Variants in ALDH1A1 observed in about 807,000 individuals in gnomAD.
ALDH1A1 encodes the protein aldehyde dehydrogenase 1 family member A1.
ALDH1A1 carries 19 observed loss-of-function variants against 62.1 expected under a neutral mutation model. That is an observed-to-expected ratio of 0.31 (90% CI 0.21 to 0.45). ALDH1A1 has a LOEUF of 0.45. ALDH1A1 is among the 20% of genes least tolerant of loss of function. The probability of loss-of-function intolerance (pLI) is 1.00; values close to 1 mark genes in which losing one functional copy is unlikely to be tolerated. For missense variants in ALDH1A1, 521 were observed against 607.1 expected (o/e 0.86, Z 1.49); for synonymous variants, 231 against 215.9 (o/e 1.07, Z -0.61).
At chr9:72,933,780 T>C (rs1830314361) in intron 2 of ALDH1A1, among the ~76,000 whole-genome samples, 1 of 152,118 alleles carries the variant, frequency 6.6e-6, no homozygotes, top group South Asian at 2.1e-4. Context: ...TAAATTTTAA[T>C]ATAACTCTCA....
chr9:72,949,926 A>C (rs999566805), intron 1 of ALDH1A1, among the ~76,000 whole-genome samples: 11 of 151,822 alleles, frequency 7.2e-5, no homozygotes, highest in African/African-American at 2.7e-4. Context: ...CTGTAGGAGA[A>C]AATTTTTGAT....
At position 72,909,155 on chromosome 9, in the gene ALDH1A1, C is replaced by T. The variant is rs888157221; in HGVS notation, c.1358+447G>A. ...CCTCCCTAAAGTTCTTCCAATACAG[C>T]TTTTTTTTTTTTTTTTTTTTTTTGA... On this transcript the variant is annotated intron_variant, in intron 11 of 12. Coordinates refer to ENST00000297785, the MANE Select transcript of ALDH1A1 (RefSeq NM_000689.5). 2.4e-3 allele frequency among the ~76,000 whole-genome samples: 185 copies of T among 75,568 alleles called. 1 individual carries two copies. Among genetic ancestry groups the T allele is most frequent in the African/African-American group, 9.3e-3 (165 of 17,764 alleles). The allele number at this position is 75,568 out of a possible 152,430, so 49.6% of individuals were successfully genotyped here.
At chr9:72,925,202 T>C (rs1422609112) in intron 6 of ALDH1A1, among the ~76,000 whole-genome samples, 1 of 152,230 alleles carries the variant, frequency 6.6e-6, no homozygotes, top group Non-Finnish European at 1.5e-5. Flanking sequence ...AATTTCAACA[T>C]GAATTTATGT....
rs1286150069 is a variant in ALDH1A1, at chr9:72,916,867, G to A, written c.1035+53C>T. ...ACTCAATAAAATCTAGGTCTAAAGA[G>A]GATACTTTATTCCTGTGCCCTGAAA... On this transcript the variant is annotated intron_variant, in intron 9 of 12. Transcript: ENST00000297785. The A allele has an allele frequency of 2.1e-6, 3 of 1,429,854 alleles. No individual in the cohort carries two copies. In the African/African-American group the frequency reaches 4.3e-5, roughly 21 times the overall value. 88.6% of individuals were successfully genotyped at this position (1,429,854 alleles called of 1,614,324 possible).
intron 2 of ALDH1A1, among the ~76,000 whole-genome samples, chr9:72,933,437 T>A (rs950582542): frequency 6.6e-6 from 1 of 151,856 alleles, no homozygotes; most frequent in Non-Finnish European, 1.5e-5. Context: ...AATCAAGGTA[T>A]GTTGCTTGGT....
At chr9:72,920,286 A>G (rs548833295) in intron 7 of ALDH1A1, among the ~76,000 whole-genome samples, 2 of 152,286 alleles carry the variant, frequency 1.3e-5, no homozygotes, top group African/African-American at 4.8e-5. Flanking sequence ...AAGATTAATA[A>G]AAAATAAATT....
Position 72,943,043 on chromosome 9 carries a change from C to T in ALDH1A1, c.67-2791G>A, listed in dbSNP as rs74413198. Among the ~76,000 whole-genome samples, 153 of 152,172 alleles carry T rather than the reference C, an allele frequency of 1.0e-3. 4 individuals carry two copies. The East Asian group carries it at 0.029, about 28-fold the overall frequency. On this transcript the variant is annotated intron_variant, in intron 1 of 12. Coordinates refer to ENST00000297785, the MANE Select transcript of ALDH1A1 (RefSeq NM_000689.5). ...TAAATCAGTCTTTCAAAACCTGCAT[C>T]AGATTTATTCACTTGGGAATTCTGC...
intron 8 of ALDH1A1, among the ~76,000 whole-genome samples, chr9:72,917,743 A>C (rs1187083094): frequency 1.3e-5 from 2 of 152,208 alleles, no homozygotes; most frequent in African/African-American, 4.8e-5. Context: ...TAAAATGTGC[A>C]TTAAAAGGAA....
chr9:72,942,820 G>A (rs940124106), intron 1 of ALDH1A1, among the ~76,000 whole-genome samples: 14 of 152,012 alleles, frequency 9.2e-5, no homozygotes, highest in African/African-American at 3.1e-4. Flanking sequence ...CTAGCTTACT[G>A]CGTCATCTCC....
chr9:72,939,783 G>T (rs1425828666), intron 2 of ALDH1A1, among the ~76,000 whole-genome samples: 1 of 152,056 alleles, frequency 6.6e-6, no homozygotes, highest in Non-Finnish European at 1.5e-5. Flanking sequence ...CTCACAAAGT[G>T]CTGGGATTAC....
chr9:72,928,092 T>A (rs369347164), intron 4 of ALDH1A1, among the ~76,000 whole-genome samples: 1 of 78,502 alleles, frequency 1.3e-5, no homozygotes, highest in Non-Finnish European at 3.4e-5. Context: ...GAGGTCTTAC[T>A]CTCCTCTCAA....
intron 4 of ALDH1A1, among the ~76,000 whole-genome samples, chr9:72,928,432 T>G (rs1830238328): frequency 6.6e-6 from 1 of 152,146 alleles, no homozygotes; most frequent in South Asian, 2.1e-4. Flanking sequence ...ATTAGTCTGG[T>G]CTAACTACAC....
At chr9:72,927,889 C>T (rs949876304) in intron 4 of ALDH1A1, among the ~76,000 whole-genome samples, 6 of 151,484 alleles carry the variant, frequency 4.0e-5, no homozygotes, top group Non-Finnish European at 7.4e-5. Context: ...TTATGTGCCC[C>T]GAAGTTTAAT....
chr9:72,908,681 A>C (rs2118488727), intron 11 of ALDH1A1, among the ~76,000 whole-genome samples: 1 of 152,176 alleles, frequency 6.6e-6, no homozygotes, highest in East Asian at 1.9e-4. Flanking sequence ...AAGGAAAATA[A>C]TCTTGTGCTT....
At chr9:72,939,875 A>AAATC (rs1353000152) in intron 2 of ALDH1A1, among the ~76,000 whole-genome samples, 1 of 152,160 alleles carries the variant, frequency 6.6e-6, no homozygotes, top group Non-Finnish European at 1.5e-5. Context: ...TCTGTAAAAT[A>AAATC]AATCTATATA....
chr9:72,934,371 C>T (rs1830321864), intron 2 of ALDH1A1, among the ~76,000 whole-genome samples: 1 of 152,124 alleles, frequency 6.6e-6, no homozygotes, highest in Non-Finnish European at 1.5e-5. Context: ...CTACTATCAC[C>T]AGGCTAATCT....
Position 72,924,102 on chromosome 9 carries a change from C to T in ALDH1A1, c.664G>A (p.Val222Ile). The part of the protein sequence containing the change: ...AGFPPGVVNI[V>I]PGYGPTAGAA... ...CCTGCTGTAGGCCCATAACCAGGAA[C>T]AATATTCACTACTCCAGGAGGAAAC... Residue 222 changes from valine (V) to isoleucine (I), a missense_variant, in exon 7 of 13, where the codon GTT (valine) becomes ATT (isoleucine). Val to Ile is a conservative substitution (Grantham distance 29). Coordinates refer to ENST00000297785, the MANE Select transcript of ALDH1A1 (RefSeq NM_000689.5). 1 of 1,612,094 alleles carries T rather than the reference C, an allele frequency of 6.2e-7. No homozygotes were observed. The highest frequency in any genetic ancestry group is 8.5e-7 in the Non-Finnish European group (1 of 1,179,044).
At chr9:72,901,332 A>T in intron 12 of ALDH1A1, 52 bp from the exon 13 acceptor site, 1 of 1,245,062 alleles carries the variant, frequency 8.0e-7, no homozygotes, top group Non-Finnish European at 1.2e-6. Flanking sequence ...AGCAGTATAA[A>T]TATACTGTAG....
intron 1 of ALDH1A1, among the ~76,000 whole-genome samples, chr9:72,950,036 G>T (rs1484391304): frequency 1.3e-5 from 2 of 151,824 alleles, no homozygotes; most frequent in South Asian, 4.1e-4. Context: ...GCTAGGAGAA[G>T]ACGTGAGGCA....
Sources: allele counts gnomAD v4.1 joint callset (sites outside exome capture counted in the v4.1 genomes callset), GRCh38; gene constraint gnomAD v4.1.1; transcripts MANE v1.5; gene names NCBI Gene and HGNC (gene_info 2026-07-23, HGNC 2026-07-21).